Variants in FGF14 observed in about 807,000 individuals in gnomAD.
FGF14 encodes fibroblast growth factor 14.
FGF14 carries 5 observed loss-of-function variants against 25.5 expected under a neutral mutation model. That is an observed-to-expected ratio of 0.20 (90% confidence interval 0.10 to 0.41). FGF14 has a LOEUF of 0.41. Among genes scored for constraint, FGF14 ranks in the 10% least tolerant of loss-of-function variants. FGF14 has a pLI of 1.00. For synonymous variants in FGF14, 138 were observed against 118.3 expected (o/e 1.17, Z -1.08); for missense variants, 222 against 320.1 (o/e 0.69, Z 2.34).
At chr13:102,127,502 TA>T (rs2045998128) in intron 1 of FGF14, among the ~76,000 whole-genome samples, 1 of 152,174 alleles carries the variant, frequency 6.6e-6, no homozygotes. Context: ...TCTTATTCTG[TA>T]AGAGTTATCT....
exon 1 of FGF14, chr13:102,401,724 C>G: frequency 6.6e-7 from 1 of 1,510,232 alleles, no homozygotes; most frequent in Non-Finnish European, 9.2e-7. Context: ...TTTTTCCCCT[C>G]ACGTGGTATA....
rs745407368 is a variant in FGF14 at position 102,161,569 on chromosome 13, GAA to G, written c.208+239900_208+239901del. ...CTCTATGCAACCAACTTTCTGTGAA[GAA>G]AGAAAGAAGAAGAAGAAGAAGAAGA... On this transcript the variant is annotated intron_variant, in intron 1 of 4. Transcript: ENST00000376131. Among the ~76,000 whole-genome samples, 20 of 18,340 alleles carry G rather than the reference GAA, an allele frequency of 1.1e-3. 6 individuals carry two copies. The highest frequency in any genetic ancestry group is 1.4e-3 in the Non-Finnish European group (17 of 12,096). 12.0% of individuals were successfully genotyped at this position (18,340 alleles called of 152,430 possible). A position where few individuals can be genotyped will look rare whatever the true frequency, so the allele number is the denominator to read the frequency against.
At chr13:101,755,153 G>T in intron 3 of FGF14, among the ~76,000 whole-genome samples, 1 of 152,154 alleles carries the variant, frequency 6.6e-6, no homozygotes, top group East Asian at 1.9e-4. Flanking sequence ...TTTGAGTTTA[G>T]TTCAAAAGAA....
intron 1 of FGF14, among the ~76,000 whole-genome samples, chr13:102,340,592 C>G (rs559530341): frequency 6.6e-6 from 1 of 152,252 alleles, no homozygotes; most frequent in South Asian, 2.1e-4. Context: ...TTTTGTCTAA[C>G]TATCATATTT....
chr13:102,197,058 G>A (rs1461577259), intron 1 of FGF14, among the ~76,000 whole-genome samples: 1 of 151,944 alleles, frequency 6.6e-6, no homozygotes, highest in East Asian at 1.9e-4. Context: ...CTATTTCTGT[G>A]AGTAGTATCT....
intron 1 of FGF14, among the ~76,000 whole-genome samples, chr13:101,895,916 T>C (rs1367733675): frequency 1.3e-5 from 2 of 152,220 alleles, no homozygotes; most frequent in Non-Finnish European, 1.5e-5. Flanking sequence ...TCAAAGCATC[T>C]GGTAATCAGG....
chr13:101,899,228 C>T (rs11839102), intron 1 of FGF14, among the ~76,000 whole-genome samples: 2 of 151,948 alleles, frequency 1.3e-5, no homozygotes, highest in Non-Finnish European at 2.9e-5. Flanking sequence ...TCCTCAAAGA[C>T]GATAAAATCA....
At chr13:101,846,872 A>G (rs2043490878) in intron 3 of FGF14, among the ~76,000 whole-genome samples, 1 of 152,078 alleles carries the variant, frequency 6.6e-6, no homozygotes. Context: ...AAGGGCTTAG[A>G]GGAGCCAAGT....
intron 3 of FGF14, among the ~76,000 whole-genome samples, chr13:101,744,558 A>G (rs1389152987): frequency 6.6e-6 from 1 of 152,104 alleles, no homozygotes; most frequent in Non-Finnish European, 1.5e-5. Context: ...ATTAATAAAC[A>G]CGTATTAAAT....
intron 1 of FGF14, among the ~76,000 whole-genome samples, chr13:101,894,719 A>G (rs1053668400): frequency 6.6e-6 from 1 of 152,190 alleles, no homozygotes; most frequent in Non-Finnish European, 1.5e-5. Flanking sequence ...GGGACATATA[A>G]TAAGATTTTC....
At chr13:102,226,430 T>A (rs2050828556) in intron 1 of FGF14, among the ~76,000 whole-genome samples, 1 of 152,216 alleles carries the variant, frequency 6.6e-6, no homozygotes, top group Non-Finnish European at 1.5e-5. Flanking sequence ...CTATTCTTAC[T>A]GCTGTCTGTA....
rs1388807253 is a variant in FGF14 at position 101,883,113 on chromosome 13, A to C, written c.194-7817T>G. On this transcript the variant is annotated intron_variant, in intron 1 of 4. Transcript: ENST00000376143. Reference sequence around the variant, plus strand: ...GAAAGAAAGAAAAGAATACTCCTGGAAATCAGTGTGAAAATTTCATGAAGG... The same window carrying C: ...GAAAGAAAGAAAAGAATACTCCTGGCAATCAGTGTGAAAATTTCATGAAGG... Among the ~76,000 whole-genome samples the C allele has an allele frequency of 3.9e-5, 6 of 152,178 alleles. No homozygotes were observed. The East Asian group carries it at 1.2e-3, about 29-fold the overall frequency.
intron 3 of FGF14, among the ~76,000 whole-genome samples, chr13:101,825,817 C>T (rs1013888303): frequency 6.6e-6 from 1 of 152,092 alleles, no homozygotes; most frequent in African/African-American, 2.4e-5. Flanking sequence ...GAGACAGTTC[C>T]ACCCAAGACA....
chr13:101,781,772 C>T (rs1438649052), intron 3 of FGF14, among the ~76,000 whole-genome samples: 3 of 152,080 alleles, frequency 2.0e-5, no homozygotes, highest in Non-Finnish European at 2.9e-5. Context: ...TTTAAAGAAG[C>T]TTAGAGAGTT....
intron 3 of FGF14, among the ~76,000 whole-genome samples, chr13:101,803,689 A>C (rs1212459627): frequency 1.3e-5 from 2 of 152,212 alleles, no homozygotes; most frequent in African/African-American, 4.8e-5. Flanking sequence ...CAGATTGACT[A>C]TATGATCCTG....
Position 102,009,436 on chromosome 13 carries a change from T to TC in FGF14, c.209-134141_209-134140insG, listed in dbSNP as rs1223805891. On this transcript the variant is annotated intron_variant, in intron 1 of 4. Coordinates refer to the FGF14 transcript ENST00000376131. ...TATCAGTTTGACGTGCATGAGTTTG[T>TC]GGTTTCACTGTGCATTGTAATCAAC... Among the ~76,000 whole-genome samples, 22 of 152,180 alleles carry TC rather than the reference T, an allele frequency of 1.4e-4. No homozygotes were observed. In the East Asian group the frequency reaches 3.3e-3, roughly 23 times the overall value.
At chr13:102,300,813 CAT>C (rs1171031490) in intron 1 of FGF14, among the ~76,000 whole-genome samples, 5 of 151,992 alleles carry the variant, frequency 3.3e-5, no homozygotes, top group African/African-American at 7.3e-5. Context: ...CATAATCACA[CAT>C]GAGAGGATTT....
intron 1 of FGF14, among the ~76,000 whole-genome samples, chr13:102,199,235 T>C (rs970515115): frequency 2.0e-5 from 3 of 152,224 alleles, no homozygotes; most frequent in African/African-American, 7.2e-5. Context: ...TAAAACAGTG[T>C]AAAGCCTTGG....
At chr13:102,026,283 T>C (rs73565762) in intron 1 of FGF14, among the ~76,000 whole-genome samples, 4,828 of 152,114 alleles carry the variant, frequency 0.032, 245 homozygotes, top group African/African-American at 0.11. Flanking sequence ...CATTCTGGGA[T>C]AGATATTTCC....
Sources: gnomAD v4.1 joint callset for allele counts (sites outside exome capture counted in the v4.1 genomes callset) on GRCh38, gnomAD v4.1.1 for gene constraint, MANE v1.5 for transcripts, NCBI Gene and HGNC (gene_info 2026-07-23, HGNC 2026-07-21) for gene names.